The following TMEM50A variants were observed in gnomAD, a reference collection of about 807,000 sequenced individuals.
TMEM50A encodes transmembrane protein 50A.
A neutral mutation model predicts 23.9 loss-of-function variants in TMEM50A; 8 were observed. The observed-to-expected ratio is 0.33, with a 90% confidence interval of 0.20 to 0.60. TMEM50A has a LOEUF of 0.60. Among genes scored for constraint, TMEM50A ranks in the 20% least tolerant of loss-of-function variants. The probability of loss-of-function intolerance (pLI) is 0.81; values close to 1 mark genes in which losing one functional copy is unlikely to be tolerated. For synonymous variants in TMEM50A, 55 were observed against 60.4 expected, an observed-to-expected ratio of 0.91 and a Z score of 0.41; for missense variants, 178 against 192.7, an observed-to-expected ratio of 0.92 and a Z score of 0.45.
intron 6 of TMEM50A, 107 bp downstream of exon 6, chr1:25,356,960 C>T (rs1016333739): frequency 2.8e-6 from 2 of 715,308 alleles, no homozygotes; most frequent in African/African-American, 3.7e-5. Flanking sequence ...ATGCCCCTCC[C>T]CCATGATATT....
intron 3 of TMEM50A, 74 bp from the exon 4 acceptor site, chr1:25,351,552 A>T: frequency 7.6e-7 from 1 of 1,311,532 alleles, no homozygotes; most frequent in Non-Finnish European, 1.1e-6. Context: ...CTTACATTTG[A>T]GAAACTGTAG....
chr1:25,355,314 A>C lies in TMEM50A; in HGVS notation c.368-1479A>C, dbSNP rs182315387. ...CAGTGGGAGACCCTCTCAAAAATCA[A>C]AACAAAAAAAAAGGAAAAAAATTAC... On this transcript the variant is annotated intron_variant, in intron 5 of 6. Coordinates refer to ENST00000374358, the MANE Select transcript of TMEM50A (RefSeq NM_014313.4). Among the ~76,000 whole-genome samples the C allele has an allele frequency of 5.3e-3, 813 of 152,214 alleles. 7 individuals carry two copies. The highest frequency in any genetic ancestry group is 0.019 in the African/African-American group (777 of 41,548).
intron 3 of TMEM50A, among the ~76,000 whole-genome samples, chr1:25,345,791 TTTA>T (rs1408087651): frequency 6.8e-6 from 1 of 148,098 alleles, no homozygotes; most frequent in African/African-American, 2.6e-5. Context: ...TGTTTATTTA[TTTA>T]TTTTTTTTTT....
chr1:25,354,306 T>G (rs1384041755), intron 5 of TMEM50A, among the ~76,000 whole-genome samples: 1 of 152,120 alleles, frequency 6.6e-6, no homozygotes, highest in Non-Finnish European at 1.5e-5. Context: ...AATTTATTAT[T>G]AAAATCATGT....
chr1:25,362,230 G>T lies in TMEM50A; in HGVS notation c.*1525G>T. 1.7e-6 allele frequency: 1 copy of T among 580,686 alleles called. No individual in the cohort carries two copies. Among genetic ancestry groups the T allele is most frequent in the Non-Finnish European group, 3.0e-6 (1 of 336,072 alleles). The allele number at this position is 580,686 out of a possible 1,614,324, so 36.0% of individuals were successfully genotyped here. ...AGCATGCTTTATTAAGCATGAGAAA[G>T]AATCTTAAGAATTGTCAATAAAATT... On this transcript the variant is annotated 3_prime_UTR_variant, in exon 7 of 7. Transcript: ENST00000374358.
At chr1:25,351,392 C>T (rs565349465) in intron 3 of TMEM50A, among the ~76,000 whole-genome samples, 26 of 152,004 alleles carry the variant, frequency 1.7e-4, no homozygotes, top group Non-Finnish European at 2.9e-4. Context: ...ACCTGTAATC[C>T]CAGCTACTCA....
At chr1:25,346,398 A>G (rs1645217872) in intron 3 of TMEM50A, among the ~76,000 whole-genome samples, 1 of 150,108 alleles carries the variant, frequency 6.7e-6, no homozygotes, top group East Asian at 2.0e-4. Flanking sequence ...TTTTAAATTA[A>G]AAAAAAAATG....
Position 25,352,960 on chromosome 1 carries a change from G to A in TMEM50A, c.353G>A (p.Gly118Asp), listed in dbSNP as rs1197147520. Residue 118 changes from glycine to aspartate, a missense_variant, in exon 5 of 7, where the codon GGT becomes GAT. Physicochemically the swap from Gly to Asp is moderately conservative, Grantham distance 94. Coordinates refer to ENST00000374358, the MANE Select transcript of TMEM50A (RefSeq NM_014313.4). ...GCATCTATGTGGATTCTTTTTGGAG[G>A]TTATGTTGCTAAAGGTAAGAGAAAA... The part of the protein sequence containing the change: ...LIASMWILFG[G>D]YVAKEKDIVY... The A allele has an allele frequency of 1.2e-6, 2 of 1,613,132 alleles. No individual in the cohort carries two copies. The highest frequency in any genetic ancestry group is 2.2e-5 in the East Asian group (1 of 44,856).
At chr1:25,351,769 T>C in intron 4 of TMEM50A, 76 bp downstream of exon 4, 2 of 1,255,854 alleles carry the variant, frequency 1.6e-6, no homozygotes, top group Non-Finnish European at 2.3e-6. Context: ...AAATACCACT[T>C]TTCTATTTGT....
At chr1:25,353,401 G>A (rs1011713785) in intron 5 of TMEM50A, among the ~76,000 whole-genome samples, 14 of 152,182 alleles carry the variant, frequency 9.2e-5, no homozygotes, top group African/African-American at 3.4e-4. Flanking sequence ...TCACACCTCA[G>A]CTTCCCAGGT....
At position 25,360,834 on chromosome 1, in the gene TMEM50A, T is replaced by G; in HGVS notation, c.*129T>G. 1.0e-6 allele frequency: 1 copy of G among 967,442 alleles called. No individual in the cohort carries two copies. Among genetic ancestry groups the G allele is most frequent in the South Asian group, 1.6e-5 (1 of 62,322 alleles). The allele number at this position is 967,442 out of a possible 1,614,324, so 59.9% of individuals were successfully genotyped here. A position where few individuals can be genotyped will look rare whatever the true frequency, so the allele number is the denominator to read the frequency against. ...AGTGTAGTCTCAGCTTAAAGTTGTG[T>G]AATACTAAAATCACGAGAACACCTA... On this transcript the variant is annotated 3_prime_UTR_variant, in exon 7 of 7. Coordinates refer to ENST00000374358, the MANE Select transcript of TMEM50A (RefSeq NM_014313.4).
intron 5 of TMEM50A, among the ~76,000 whole-genome samples, chr1:25,356,058 A>T (rs1344030944): frequency 6.6e-6 from 1 of 151,928 alleles, no homozygotes; most frequent in African/African-American, 2.4e-5. Flanking sequence ...ATAATCTCTC[A>T]CCTGATTTCC....
At chr1:25,345,988 A>G (rs1363431541) in intron 3 of TMEM50A, among the ~76,000 whole-genome samples, 1 of 151,604 alleles carries the variant, frequency 6.6e-6, no homozygotes, top group Non-Finnish European at 1.5e-5. Context: ...GGGTTTCACC[A>G]TGTTGGCCAG....
rs182760345 is a variant in TMEM50A at position 25,357,926 on chromosome 1, C to T, written c.428+1073C>T. On this transcript the variant is annotated intron_variant, in intron 6 of 6. Coordinates refer to ENST00000374358, the MANE Select transcript of TMEM50A (RefSeq NM_014313.4). ...TGCTGGGATTACAGGCATGAGCCAC[C>T]ACACCCAGCCTGCATCAGGAGTTCT... Among the ~76,000 whole-genome samples, 1,167 of 150,984 alleles carry T rather than the reference C, an allele frequency of 7.7e-3. 7 individuals carry two copies. The highest frequency in any genetic ancestry group is 0.011 in the Non-Finnish European group (764 of 67,766).
chr1:25,354,295 T>C (rs145376123), intron 5 of TMEM50A, among the ~76,000 whole-genome samples: 520 of 152,242 alleles, frequency 3.4e-3, no homozygotes, highest in Non-Finnish European at 5.9e-3. Flanking sequence ...TAGCCATGTG[T>C]AATTTATTAT....
chr1:25,344,812 C>G (rs1050617548), intron 3 of TMEM50A, among the ~76,000 whole-genome samples: 2 of 151,856 alleles, frequency 1.3e-5, no homozygotes, highest in African/African-American at 4.8e-5. Flanking sequence ...CTAATTTGGA[C>G]AGTTACTATG....
chr1:25,339,118 G>A (rs1331646392), intron 1 of TMEM50A, among the ~76,000 whole-genome samples: 1 of 152,112 alleles, frequency 6.6e-6, no homozygotes, highest in Non-Finnish European at 1.5e-5. Context: ...TCTATTGTAG[G>A]GTGTCATATT....
intron 1 of TMEM50A, among the ~76,000 whole-genome samples, chr1:25,339,045 G>C (rs1448342866): frequency 6.6e-6 from 1 of 152,178 alleles, no homozygotes; most frequent in African/African-American, 2.4e-5. Context: ...TCTTAGCATT[G>C]GCTGTAATCA....
chr1:25,346,948 G>C (rs1645224548), intron 3 of TMEM50A, among the ~76,000 whole-genome samples: 1 of 152,054 alleles, frequency 6.6e-6, no homozygotes, highest in Non-Finnish European at 1.5e-5. Flanking sequence ...GAATCTGAGA[G>C]GCAGAGATTA....
Sources: gnomAD v4.1 joint callset for allele counts (sites outside exome capture counted in the v4.1 genomes callset) on GRCh38, gnomAD v4.1.1 for gene constraint, MANE v1.5 for transcripts, NCBI Gene and HGNC (gene_info 2026-07-23, HGNC 2026-07-21) for gene names.